SORCS3: variants seen among roughly 807,000 people sequenced by gnomAD.
The protein encoded by SORCS3 is sortilin related VPS10 domain containing receptor 3.
Under a neutral mutation model 146.3 loss-of-function variants are expected in SORCS3, and 57 were observed. That is an observed-to-expected ratio of 0.39 (90% CI 0.31 to 0.49). SORCS3 has a LOEUF of 0.49. Ranked by LOEUF, SORCS3 falls within the 20% of genes least tolerant of loss-of-function variation. The pLI is 0.92. For synonymous variants in SORCS3, 653 were observed against 618.5 expected (o/e 1.06, Z -0.83); for missense variants, 1,341 against 1,575.5 (o/e 0.85, Z 2.52).
chr10:105,091,147 CCCCTT>C (rs766599897), intron 6 of SORCS3, among the ~76,000 whole-genome samples: 94 of 122,032 alleles, frequency 7.7e-4, no homozygotes, highest in South Asian at 2.4e-3. Context: ...CCTTTCCTTG[CCCCTT>C]CCCTTCCCTT....
intron 13 of SORCS3, among the ~76,000 whole-genome samples, chr10:105,174,520 T>C (rs2056384187): frequency 6.6e-6 from 1 of 152,194 alleles, no homozygotes; most frequent in South Asian, 2.1e-4. Context: ...TTAAGTTTTC[T>C]AATGTTATTT....
intron 19 of SORCS3, 63 bp downstream of exon 19, chr10:105,217,185 A>C: frequency 6.4e-7 from 1 of 1,554,532 alleles, no homozygotes; most frequent in African/African-American, 1.4e-5. Context: ...CTCTGTTCAG[A>C]CTTCCTAAAA....
At chr10:105,016,155 A>ATTTTTTT (rs10625699) in intron 4 of SORCS3, among the ~76,000 whole-genome samples, 9 of 101,342 alleles carry the variant, frequency 8.9e-5, no homozygotes, top group African/African-American at 3.4e-4. Context: ...ATATATATAT[A>ATTTTTTT]TTTTTTTTTT....
At chr10:105,032,806 A>G (rs1201754825) in intron 4 of SORCS3, among the ~76,000 whole-genome samples, 1 of 152,174 alleles carries the variant, frequency 6.6e-6, no homozygotes, top group Non-Finnish European at 1.5e-5. Flanking sequence ...GAACACAGTG[A>G]GGAGGCCAGG....
At chr10:105,101,557 T>A (rs2055785268) in intron 6 of SORCS3, among the ~76,000 whole-genome samples, 1 of 152,176 alleles carries the variant, frequency 6.6e-6, no homozygotes, top group African/African-American at 2.4e-5. Flanking sequence ...GACCTTTCAT[T>A]CCATACTGAG....
At chr10:104,998,615 T>C (rs1335368446) in intron 4 of SORCS3, among the ~76,000 whole-genome samples, 1 of 152,168 alleles carries the variant, frequency 6.6e-6, no homozygotes, top group Non-Finnish European at 1.5e-5. Context: ...AGGGGTTGCT[T>C]TCTCTGGACT....
intron 20 of SORCS3, among the ~76,000 whole-genome samples, chr10:105,244,400 C>T (rs2056854022): frequency 6.6e-6 from 1 of 152,016 alleles, no homozygotes; most frequent in Non-Finnish European, 1.5e-5. Flanking sequence ...TCAGGATCCA[C>T]ATCTGCAACC....
chr10:104,920,979 T>A (rs556110659), intron 3 of SORCS3, among the ~76,000 whole-genome samples: 1 of 152,350 alleles, frequency 6.6e-6, no homozygotes, highest in South Asian at 2.1e-4. Flanking sequence ...AACTTCCTTA[T>A]GGGAGCCCAG....
In SORCS3 at chr10:104,952,067, T is replaced by C. The variant is rs181585321; in HGVS notation, c.796-25268T>C. Among the ~76,000 whole-genome samples the C allele has an allele frequency of 3.3e-5, 5 of 151,264 alleles. No individual in the cohort carries two copies. In the East Asian group the frequency reaches 7.8e-4, roughly 24 times the overall value. On this transcript the variant is annotated intron_variant, in intron 3 of 26. Coordinates refer to ENST00000369701, the MANE Select transcript of SORCS3 (RefSeq NM_014978.3). ...ATCGTTCCCCCGATTCCAAATCTAG[T>C]GTCCGTCTCCTACACCAGTGGTTTT... is the stretch of plus-strand genomic sequence containing the variant.
intron 5 of SORCS3, among the ~76,000 whole-genome samples, chr10:105,066,003 A>G (rs1249748336): frequency 4.6e-5 from 7 of 152,164 alleles, no homozygotes; most frequent in South Asian, 2.1e-4. Context: ...AAGGATTTCT[A>G]TTTCCCAAGA....
At chr10:105,041,225 T>C (rs1415358501) in intron 4 of SORCS3, among the ~76,000 whole-genome samples, 1 of 148,882 alleles carries the variant, frequency 6.7e-6, no homozygotes, top group East Asian at 2.0e-4. Flanking sequence ...GCAGAATCTC[T>C]TTCTTGCAAA....
intron 6 of SORCS3, among the ~76,000 whole-genome samples, chr10:105,100,499 C>G (rs2055776744): frequency 6.6e-6 from 1 of 152,198 alleles, no homozygotes; most frequent in Non-Finnish European, 1.5e-5. Flanking sequence ...ACATAAAAGT[C>G]CATGTGCATT....
intron 14 of SORCS3, among the ~76,000 whole-genome samples, chr10:105,198,365 A>AG (rs2056555704): frequency 6.6e-6 from 1 of 152,156 alleles, no homozygotes; most frequent in Admixed American, 6.5e-5. Context: ...GAGAAAAAAA[A>AG]GATATCCATC....
intron 13 of SORCS3, among the ~76,000 whole-genome samples, chr10:105,176,803 C>T (rs1023681350): frequency 5.3e-5 from 8 of 151,668 alleles, no homozygotes; most frequent in South Asian, 4.2e-4. Flanking sequence ...TGCAGTGAGC[C>T]GAGATCGTGT....
At chr10:104,847,762 G>C (rs1213367718) in intron 2 of SORCS3, among the ~76,000 whole-genome samples, 1 of 152,060 alleles carries the variant, frequency 6.6e-6, no homozygotes, top group Non-Finnish European at 1.5e-5. Context: ...TTGCTTTATT[G>C]CACCCACCCT....
chr10:104,980,399 T>C (rs1489045828), intron 4 of SORCS3, among the ~76,000 whole-genome samples: 4 of 152,202 alleles, frequency 2.6e-5, no homozygotes, highest in African/African-American at 9.6e-5. Flanking sequence ...GTCATCCAGG[T>C]TGCAGAAGAG....
intron 3 of SORCS3, among the ~76,000 whole-genome samples, chr10:104,952,011 T>G (rs942698426): frequency 7.9e-5 from 12 of 151,554 alleles, no homozygotes; most frequent in Non-Finnish European, 1.5e-5. Context: ...CCAAAGTCAC[T>G]AAGCAAGTTA....
intron 2 of SORCS3, among the ~76,000 whole-genome samples, chr10:104,873,404 G>A (rs1366959187): frequency 3.3e-5 from 5 of 152,198 alleles, no homozygotes; most frequent in Non-Finnish European, 7.3e-5. Context: ...TTGAGCAGTG[G>A]GAGCCAGTTC....
chr10:104,847,378 G>A (rs1238004805), intron 2 of SORCS3, among the ~76,000 whole-genome samples: 1 of 152,184 alleles, frequency 6.6e-6, no homozygotes, highest in Non-Finnish European at 1.5e-5. Flanking sequence ...CCCTTGGACT[G>A]ATAAACAAAA....
Sources: allele counts gnomAD v4.1 joint callset (sites outside exome capture counted in the v4.1 genomes callset), GRCh38; gene constraint gnomAD v4.1.1; transcripts MANE v1.5; gene names NCBI Gene and HGNC (gene_info 2026-07-23, HGNC 2026-07-21).